The following TRPM3 variants were observed in gnomAD, a reference collection of about 807,000 sequenced individuals.
TRPM3 encodes transient receptor potential cation channel subfamily M member 3.
TRPM3 carries 77 observed loss-of-function variants against 181.2 expected under a neutral mutation model. The ratio of observed to expected loss-of-function variants is 0.42; its 90% CI spans 0.35 to 0.51. The LOEUF (loss-of-function observed/expected upper bound fraction) is 0.51. TRPM3 is among the 20% of genes least tolerant of loss of function. The pLI is 0.01. For missense variants in TRPM3, 1,759 were observed against 2,196.7 expected (o/e 0.80, Z 3.98); for synonymous variants, 745 against 796.4 (o/e 0.94, Z 1.09).
chr9:70,971,534 T>C (rs2097246555), intron 1 of TRPM3, among the ~76,000 whole-genome samples: 1 of 152,012 alleles, frequency 6.6e-6, no homozygotes, highest in African/African-American at 2.4e-5. Flanking sequence ...GGATGAATTG[T>C]CTTTCAGGGG....
intron 19 of TRPM3, among the ~76,000 whole-genome samples, chr9:70,607,161 A>C (rs762236784): frequency 6.6e-6 from 1 of 152,216 alleles, no homozygotes; most frequent in Non-Finnish European, 1.5e-5. Flanking sequence ...CTGCTCCTAG[A>C]GAAACTTGCT....
rs888605341 is a variant in TRPM3 at position 70,846,982 on chromosome 9, T to C, written c.463-391A>G. Among the ~76,000 whole-genome samples, 7 of 152,308 alleles carry C rather than the reference T, an allele frequency of 4.6e-5. 1 individual carries two copies. The highest frequency in any genetic ancestry group is 3.3e-4 in the Admixed American group (5 of 15,292). On this transcript the variant is annotated intron_variant, in intron 3 of 25. Transcript: ENST00000677713. ...ATTAACTAGATGCACATATTATTAT[T>C]TCTGTGACCCTATTATTTTAAGAGG...
intron 8 of TRPM3, among the ~76,000 whole-genome samples, chr9:70,746,131 A>T (rs535863099): frequency 6.6e-6 from 1 of 152,134 alleles, no homozygotes; most frequent in Non-Finnish European, 1.5e-5. Flanking sequence ...TGGTGCTGAC[A>T]CCCTGACCTG....
chr9:70,941,948 G>T (rs1007505148), intron 1 of TRPM3, among the ~76,000 whole-genome samples: 1 of 152,030 alleles, frequency 6.6e-6, no homozygotes, highest in Admixed American at 6.6e-5. Context: ...GTTTCAAAAA[G>T]AATCAGACAG....
At chr9:71,436,010 A>G (rs1320202461) in intron 1 of TRPM3, among the ~76,000 whole-genome samples, 1 of 152,202 alleles carries the variant, frequency 6.6e-6, no homozygotes, top group African/African-American at 2.4e-5. Context: ...CTTGAATTGT[A>G]TCTCCCAGAA....
chr9:71,167,064 CAGAAAA>C (rs2076574836), intron 1 of TRPM3, among the ~76,000 whole-genome samples: 1 of 151,888 alleles, frequency 6.6e-6, no homozygotes, highest in Non-Finnish European at 1.5e-5. Flanking sequence ...CAAAAACAAA[CAGAAAA>C]AGAGTTACCA....
chr9:71,035,251 T>A (rs1290297913), intron 1 of TRPM3, among the ~76,000 whole-genome samples: 3 of 152,198 alleles, frequency 2.0e-5, no homozygotes, highest in African/African-American at 7.2e-5. Flanking sequence ...AAGAGAAAGA[T>A]GAAACTACCA....
chr9:70,557,956 G>A (rs2048137558), intron 22 of TRPM3, among the ~76,000 whole-genome samples: 2 of 152,120 alleles, frequency 1.3e-5, no homozygotes, highest in African/African-American at 4.8e-5. Flanking sequence ...CCCTTGTCCA[G>A]TCTCAGTCCA....
chr9:70,549,729 T>A (rs2046001534), intron 24 of TRPM3, 55 bp from the exon 25 acceptor site: 1 of 1,541,812 alleles, frequency 6.5e-7, no homozygotes, highest in Non-Finnish European at 8.7e-7. Flanking sequence ...AGCGATGGCA[T>A]CTGATTTGTG....
At chr9:70,831,614 A>G (rs1442120740) in intron 5 of TRPM3, among the ~76,000 whole-genome samples, 4 of 152,056 alleles carry the variant, frequency 2.6e-5, no homozygotes, top group South Asian at 4.1e-4. Context: ...TCGAGAAGAC[A>G]GTCACTCAAA....
At chr9:71,316,017 C>T (rs997917539) in intron 1 of TRPM3, among the ~76,000 whole-genome samples, 2 of 152,074 alleles carry the variant, frequency 1.3e-5, no homozygotes, top group African/African-American at 4.8e-5. Flanking sequence ...TTTTATTTTA[C>T]CTTAGTAGTT....
At chr9:71,162,199 CAAAAAA>C (rs35947110) in intron 1 of TRPM3, among the ~76,000 whole-genome samples, 8 of 74,454 alleles carry the variant, frequency 1.1e-4, no homozygotes, top group African/African-American at 3.8e-4. Context: ...GACTCTGTCT[CAAAAAA>C]AAAAAAAAAA....
intron 1 of TRPM3, among the ~76,000 whole-genome samples, chr9:71,353,035 T>C (rs990314374): frequency 1.3e-5 from 2 of 152,180 alleles, no homozygotes; most frequent in Non-Finnish European, 1.5e-5. Context: ...TCGCAACTGA[T>C]GTTCAAGCAG....
At chr9:71,079,887 T>C (rs1214002659) in intron 1 of TRPM3, among the ~76,000 whole-genome samples, 1 of 152,102 alleles carries the variant, frequency 6.6e-6, no homozygotes, top group Non-Finnish European at 1.5e-5. Flanking sequence ...GGAGAATCTT[T>C]GAGCCAGGCA....
intron 7 of TRPM3, among the ~76,000 whole-genome samples, chr9:70,770,856 G>A (rs1431049241): frequency 3.3e-5 from 5 of 152,194 alleles, no homozygotes; most frequent in Admixed American, 1.3e-4. Context: ...TCCCAATGAT[G>A]CCTAGCTCAG....
At chr9:70,574,087 C>CGT (rs1251027511) in intron 22 of TRPM3, among the ~76,000 whole-genome samples, 2 of 84,044 alleles carry the variant, frequency 2.4e-5, no homozygotes, top group East Asian at 5.4e-4. Flanking sequence ...CACACACACG[C>CGT]GCGCGCACAC....
chr9:71,197,262 G>C (rs1420380302), intron 1 of TRPM3, among the ~76,000 whole-genome samples: 1 of 152,122 alleles, frequency 6.6e-6, no homozygotes, highest in African/African-American at 2.4e-5. Context: ...TCTTAATCCA[G>C]TCTATCATTG....
chr9:71,245,301 G>A (rs7034708), intron 1 of TRPM3, among the ~76,000 whole-genome samples: 60,728 of 151,760 alleles, frequency 0.4, 13,057 homozygotes, highest in East Asian at 0.52. Flanking sequence ...AAAATTAGCC[G>A]GGTGTGGTGG....
Position 70,574,538 on chromosome 9 carries a change from A to G in TRPM3, c.3223+16493T>C, listed in dbSNP as rs572937982. ...TTTTCATAGCACTCTGTATTCCTTC[A>G]TCACATACTTAGCAGAGCTTATGAT... On this transcript the variant is annotated intron_variant, in intron 22 of 25. Transcript: ENST00000677713. Among the ~76,000 whole-genome samples, 7 of 152,278 alleles carry G rather than the reference A, an allele frequency of 4.6e-5. No homozygotes were observed. The South Asian group carries it at 1.0e-3, about 23-fold the overall frequency.
Sources: gnomAD v4.1 joint callset for allele counts (sites outside exome capture counted in the v4.1 genomes callset) on GRCh38, gnomAD v4.1.1 for gene constraint, MANE v1.5 for transcripts, NCBI Gene and HGNC (gene_info 2026-07-23, HGNC 2026-07-21) for gene names.